Variants in ELN observed in about 807,000 individuals in gnomAD.
ELN encodes tropoelastin.
A neutral mutation model predicts 105.8 loss-of-function variants in ELN; 65 were observed. The observed-to-expected ratio is 0.61, with a 90% CI of 0.50 to 0.75. The LOEUF (loss-of-function observed/expected upper bound fraction) is 0.75. ELN is among the 30% of genes least tolerant of loss of function. ELN has a pLI of 0.00. For synonymous variants in ELN, 368 were observed against 389.2 expected (o/e 0.95, Z 0.64); for missense variants, 882 against 969.4 (o/e 0.91, Z 1.20).
chr7:74,047,151 G>A (rs1792766329), intron 12 of ELN, among the ~76,000 whole-genome samples: 1 of 152,146 alleles, frequency 6.6e-6, no homozygotes, highest in Non-Finnish European at 1.5e-5. Context: ...AGTCAGCCTG[G>A]GTACAGGTGT....
At chr7:74,048,978 T>A (rs546571735) in intron 15 of ELN, among the ~76,000 whole-genome samples, 3 of 151,088 alleles carry the variant, frequency 2.0e-5, no homozygotes, top group African/African-American at 7.3e-5. Context: ...CATCTACTTA[T>A]TTACACATCC....
chr7:74,065,067 C>G (rs1797636253), intron 29 of ELN, among the ~76,000 whole-genome samples: 2 of 151,164 alleles, frequency 1.3e-5, no homozygotes, highest in Admixed American at 6.6e-5. Flanking sequence ...GTAGCAAGAC[C>G]CCCCCCCACC....
intron 24 of ELN, 42 bp from the exon 25 acceptor site, chr7:74,060,334 T>A: frequency 6.2e-7 from 1 of 1,614,062 alleles, no homozygotes; most frequent in South Asian, 1.1e-5. Flanking sequence ...CTTAGGGGCA[T>A]GCTCCCTGCC....
intron 12 of ELN, 125 bp downstream of exon 12, chr7:74,046,892 T>C: frequency 1.9e-6 from 2 of 1,071,060 alleles, no homozygotes; most frequent in Non-Finnish European, 1.4e-6. Flanking sequence ...AAGACTAGCC[T>C]GGCCAACATG....
intron 4 of ELN, chr7:74,038,153 A>C (rs1201418196): frequency 3.7e-5 from 12 of 323,176 alleles, no homozygotes; most frequent in Non-Finnish European, 4.3e-5. Context: ...ACTTCCCCTG[A>C]GTGGTCCCCT....
At chr7:74,061,046 C>T in intron 25 of ELN, 55 bp from the exon 26 acceptor site, 5 of 1,610,644 alleles carry the variant, frequency 3.1e-6, no homozygotes, top group Non-Finnish European at 2.5e-6. Flanking sequence ...GGCGGCAGAA[C>T]TCCCAGGCAC....
At chr7:74,035,707 C>G (rs1424575120) in intron 2 of ELN, 7 of 306,486 alleles carry the variant, frequency 2.3e-5, no homozygotes, top group Non-Finnish European at 3.8e-5. Flanking sequence ...CCCCTCTCTA[C>G]ACACACACAC....
intron 22 of ELN, among the ~76,000 whole-genome samples, chr7:74,058,156 T>TTCTTTTCCTTCTCCTCCC (rs1264468097): frequency 6.6e-6 from 1 of 151,302 alleles, no homozygotes; most frequent in African/African-American, 2.4e-5. Context: ...CTCCTCCTGC[T>TTCTTTTCCTTCTCCTCCC]TCTTTTCCTT....
At chr7:74,039,041 G>A (rs1480410869) in intron 4 of ELN, among the ~76,000 whole-genome samples, 2 of 152,192 alleles carry the variant, frequency 1.3e-5, no homozygotes, top group East Asian at 3.9e-4. Context: ...GTGCAGAGGT[G>A]TGGAGGTAGG....
At chr7:74,061,721 G>T (rs1796718219) in intron 26 of ELN, among the ~76,000 whole-genome samples, 3 of 152,118 alleles carry the variant, frequency 2.0e-5, no homozygotes, top group Admixed American at 1.3e-4. Context: ...TAAAAACCTG[G>T]CCCCTGCCCA....
intron 9 of ELN, among the ~76,000 whole-genome samples, chr7:74,044,227 C>CAAG (rs1410785563): frequency 1.3e-5 from 2 of 152,022 alleles, no homozygotes; most frequent in African/African-American, 4.8e-5. Context: ...GGTGACAGAG[C>CAAG]AAGACCCTGT....
At chr7:74,059,826 TA>T (rs1554682719) in intron 22 of ELN, 59 bp from the exon 23 acceptor site, 1 of 875,870 alleles carries the variant, frequency 1.1e-6, no homozygotes, top group Admixed American at 1.7e-5. Flanking sequence ...CCTCTTTCCA[TA>T]AGCTTCTGTC....
At chr7:74,052,781 GAGAA>G (rs1214309627) in intron 17 of ELN, 31 of 226,676 alleles carry the variant, frequency 1.4e-4, no homozygotes, top group Middle Eastern at 1.7e-3. Context: ...AAGAGAGAAA[GAGAA>G]AGAAAGAAAG....
intron 15 of ELN, among the ~76,000 whole-genome samples, chr7:74,050,827 G>C (rs782426877): frequency 4.1e-4 from 62 of 152,156 alleles, no homozygotes; most frequent in Non-Finnish European, 8.4e-4. Flanking sequence ...CCCAGAGAAA[G>C]TGACATGTGA....
chr7:74,040,336 G>A (rs1385568975), intron 4 of ELN, among the ~76,000 whole-genome samples: 3 of 152,226 alleles, frequency 2.0e-5, no homozygotes, highest in South Asian at 2.1e-4. Flanking sequence ...CTGCCTGATC[G>A]CCAGGCACTC....
chr7:74,067,067 C>A (rs1798114718), intron 32 of ELN, among the ~76,000 whole-genome samples: 1 of 152,186 alleles, frequency 6.6e-6, no homozygotes, highest in Non-Finnish European at 1.5e-5. Flanking sequence ...GGGCAGATCA[C>A]CTGAGGTCAG....
Position 74,047,673 on chromosome 7 carries a change from A to G in ELN, c.644-2A>G. ...CCTGAGTTTGCTCTGTCCTCTCTCC[A>G]GGTGGCTATGGACTGCCCTACACCA... is the stretch of plus-strand genomic sequence containing the variant. On this transcript the variant is annotated splice_acceptor_variant, in intron 12 of 32. Coordinates refer to ENST00000252034, the MANE Select transcript of ELN (RefSeq NM_000501.4). LOFTEE classifies it high-confidence loss of function. 6.2e-7 allele frequency: 1 copy of G among 1,614,136 alleles called. No individual in the cohort carries two copies. The highest frequency in any genetic ancestry group is 8.5e-7 in the Non-Finnish European group (1 of 1,179,988).
At chr7:74,047,366 C>T (rs1310273584) in intron 12 of ELN, among the ~76,000 whole-genome samples, 1 of 152,228 alleles carries the variant, frequency 6.6e-6, no homozygotes, top group African/African-American at 2.4e-5. Context: ...GTGCTCCCGC[C>T]CCTACCTCTG....
At chr7:74,048,304 C>G in intron 14 of ELN, 103 bp downstream of exon 14, 1 of 1,558,576 alleles carries the variant, frequency 6.4e-7, no homozygotes, top group African/African-American at 1.4e-5. Flanking sequence ...GCAGCCCACC[C>G]TGCATCCAGA....
Sources: gnomAD v4.1 joint callset for allele counts (sites outside exome capture counted in the v4.1 genomes callset) on GRCh38, gnomAD v4.1.1 for gene constraint, MANE v1.5 for transcripts, NCBI Gene and HGNC (gene_info 2026-07-23, HGNC 2026-07-21) for gene names.